The following EML4 variants were observed in gnomAD, a reference collection of about 807,000 sequenced individuals.
EML4 encodes EMAP like 4.
Under a neutral mutation model 129.0 loss-of-function variants are expected in EML4, and 72 were observed. The observed-to-expected ratio is 0.56, with a 90% CI of 0.46 to 0.68. The LOEUF (loss-of-function observed/expected upper bound fraction) is 0.68, where lower values mean the gene tolerates loss of function less well. Among genes scored for constraint, EML4 ranks in the 30% least tolerant of loss-of-function variants. The pLI is 0.00. For synonymous variants in EML4, 532 were observed against 405.0 expected (o/e 1.31, Z -3.77); for missense variants, 1,363 against 1,190.6 (o/e 1.14, Z -2.13).
intron 1 of EML4, among the ~76,000 whole-genome samples, chr2:42,190,694 G>A (rs907826367): frequency 1.3e-5 from 2 of 152,128 alleles, no homozygotes; most frequent in East Asian, 1.9e-4. Flanking sequence ...AAGTGTTTTG[G>A]TGTGTATCTT....
chr2:42,302,348 A>T (rs1465480704), intron 14 of EML4, among the ~76,000 whole-genome samples: 1 of 151,988 alleles, frequency 6.6e-6, no homozygotes. Flanking sequence ...TTGTGGTGAG[A>T]ATATTTTTAT....
intron 22 of EML4, among the ~76,000 whole-genome samples, 159 bp from the exon 23 acceptor site, chr2:42,329,575 C>T (rs1200590385): frequency 6.6e-6 from 1 of 152,120 alleles, no homozygotes; most frequent in Non-Finnish European, 1.5e-5. Context: ...AAGGAAATAA[C>T]GGCTAGCCTT....
intron 1 of EML4, among the ~76,000 whole-genome samples, chr2:42,231,504 T>C (rs1229835793): frequency 6.6e-6 from 1 of 152,050 alleles, no homozygotes; most frequent in Non-Finnish European, 1.5e-5. Context: ...CCCCACACTG[T>C]TTTTTTTCCT....
intron 1 of EML4, among the ~76,000 whole-genome samples, chr2:42,224,073 C>T (rs1482736885): frequency 6.6e-6 from 1 of 152,084 alleles, no homozygotes; most frequent in African/African-American, 2.4e-5. Context: ...ATATAATTCA[C>T]ATGCCATATG....
chr2:42,306,343 C>T (rs933241957), intron 17 of EML4, among the ~76,000 whole-genome samples: 8 of 152,120 alleles, frequency 5.3e-5, no homozygotes, highest in African/African-American at 1.9e-4. Context: ...AGTGCTGATC[C>T]AGTTTTCAGA....
At chr2:42,292,084 G>T (rs79848531) in intron 11 of EML4, among the ~76,000 whole-genome samples, 1 of 152,190 alleles carries the variant, frequency 6.6e-6, no homozygotes, top group Non-Finnish European at 1.5e-5. Context: ...GTTCTTAGGC[G>T]TTGGCAACTG....
chr2:42,197,101 ACT>A (rs1312784479), intron 1 of EML4, among the ~76,000 whole-genome samples: 1 of 152,068 alleles, frequency 6.6e-6, no homozygotes, highest in Non-Finnish European at 1.5e-5. Flanking sequence ...ACAGGGTCGC[ACT>A]CTGTCACCCA....
chr2:42,176,044 G>A (rs1670583616), intron 1 of EML4, among the ~76,000 whole-genome samples: 1 of 150,028 alleles, frequency 6.7e-6, no homozygotes, highest in South Asian at 2.1e-4. Flanking sequence ...ATGGAGTCCA[G>A]TGGTCTTTTC....
intron 1 of EML4, among the ~76,000 whole-genome samples, chr2:42,244,181 C>T (rs1675230746): frequency 6.7e-6 from 1 of 149,692 alleles, no homozygotes; most frequent in Admixed American, 6.7e-5. Context: ...TCACTGCAAC[C>T]TTTGCCTCCT....
At chr2:42,329,046 A>G in intron 22 of EML4, 30 bp downstream of exon 22, 1 of 1,598,110 alleles carries the variant, frequency 6.3e-7, no homozygotes, top group Non-Finnish European at 8.5e-7. Flanking sequence ...AACTAATGTT[A>G]TAAGGCCTTC....
At chr2:42,202,662 C>T (rs1417146623) in intron 1 of EML4, among the ~76,000 whole-genome samples, 1 of 152,156 alleles carries the variant, frequency 6.6e-6, no homozygotes, top group Non-Finnish European at 1.5e-5. Flanking sequence ...TCAGTCTAGT[C>T]TTTCCATGTT....
At chr2:42,308,336 T>A (rs1433501238) in intron 17 of EML4, among the ~76,000 whole-genome samples, 1 of 151,916 alleles carries the variant, frequency 6.6e-6, no homozygotes, top group Non-Finnish European at 1.5e-5. Flanking sequence ...CAAAACCCTG[T>A]CTTTACAAGA....
chr2:42,182,284 A>G (rs1211786414), intron 1 of EML4, among the ~76,000 whole-genome samples: 1 of 149,132 alleles, frequency 6.7e-6, no homozygotes, highest in Non-Finnish European at 1.5e-5. Context: ...CATTAGGTAT[A>G]TCTCCCAGTG....
At chr2:42,178,628 GGAGC>G (rs1670756778) in intron 1 of EML4, among the ~76,000 whole-genome samples, 1 of 152,090 alleles carries the variant, frequency 6.6e-6, no homozygotes, top group Non-Finnish European at 1.5e-5. Context: ...GAGATCCCTG[GGAGC>G]CAAAAACAAC....
chr2:42,194,060 G>C (rs1671760460), intron 1 of EML4, among the ~76,000 whole-genome samples: 1 of 151,948 alleles, frequency 6.6e-6, no homozygotes, highest in East Asian at 1.9e-4. Context: ...ACCATTTTTA[G>C]GGTAATTCAT....
chr2:42,228,757 G>T (rs1028718962), intron 1 of EML4, among the ~76,000 whole-genome samples: 1 of 152,020 alleles, frequency 6.6e-6, no homozygotes, highest in Non-Finnish European at 1.5e-5. Context: ...GTGTTGTATT[G>T]TACTTTATTT....
At chr2:42,288,957 G>A (rs1307579752) in intron 11 of EML4, 1 of 152,134 alleles carries the variant, frequency 6.6e-6, no homozygotes, top group Non-Finnish European at 1.5e-5. Flanking sequence ...TGATAGAATG[G>A]CTTTAAAAAG....
Position 42,303,382 on chromosome 2 carries a change from A to T in EML4, c.1835A>T (p.Gln612Leu). The T allele has an allele frequency of 1.9e-6, 3 of 1,614,152 alleles. No individual in the cohort carries two copies. In the South Asian group the frequency reaches 3.3e-5, roughly 18 times the overall value. Residue 612 changes from glutamine (Q) to leucine (L), a missense_variant, in exon 16 of 23, where the codon CAG (glutamine) becomes CTG (leucine). Transcript: ENST00000318522. ...AAAGATTTGCTCTTGACATGTGCTC[A>T]GGACAGGCAGGTGTGCCTGTGGAAC... ...PFKDLLLTCA[Q>L]DRQVCLWNSM...
At chr2:42,201,134 T>C (rs1672208011) in intron 1 of EML4, among the ~76,000 whole-genome samples, 1 of 152,236 alleles carries the variant, frequency 6.6e-6, no homozygotes, top group African/African-American at 2.4e-5. Context: ...ATTTTCAAAA[T>C]GTTTTTGTTG....
Sources: gnomAD v4.1 joint callset for allele counts (sites outside exome capture counted in the v4.1 genomes callset) on GRCh38, gnomAD v4.1.1 for gene constraint, MANE v1.5 for transcripts, NCBI Gene and HGNC (gene_info 2026-07-23, HGNC 2026-07-21) for gene names.